MAP4K4: variants seen among roughly 807,000 people sequenced by gnomAD.
MAP4K4 encodes HPK/GCK-like kinase HGK.
Under a neutral mutation model 189.6 loss-of-function variants are expected in MAP4K4, and 38 were observed. The ratio of observed to expected loss-of-function variants is 0.20; its 90% CI spans 0.15 to 0.26. The LOEUF (loss-of-function observed/expected upper bound fraction) is 0.26, where lower values mean the gene tolerates loss of function less well. MAP4K4 is among the 10% of genes least tolerant of loss of function. The pLI is 1.00. For missense variants in MAP4K4, 1,054 were observed against 1,726.9 expected (o/e 0.61, Z 6.91); for synonymous variants, 610 against 624.3 (o/e 0.98, Z 0.34).
At chr2:101,717,912 A>G (rs528166043) in intron 2 of MAP4K4, among the ~76,000 whole-genome samples, 9 of 152,252 alleles carry the variant, frequency 5.9e-5, no homozygotes, top group African/African-American at 1.2e-4. Flanking sequence ...ATATAGTTGA[A>G]TTAGTAAAGA....
chr2:101,841,666 A>G (rs951305877), intron 10 of MAP4K4, among the ~76,000 whole-genome samples: 7 of 151,890 alleles, frequency 4.6e-5, no homozygotes, highest in Admixed American at 2.0e-4. Flanking sequence ...ACAGGCTTTC[A>G]CCATGTTGGT....
chr2:101,869,562 C>T lies in MAP4K4; in HGVS notation c.2464-60C>T, dbSNP rs115561277. The T allele has an allele frequency of 2.2e-6, 3 of 1,350,898 alleles. No homozygotes were observed. In the Admixed American group the frequency reaches 5.9e-5, roughly 27 times the overall value. 83.7% of individuals were successfully genotyped at this position (1,350,898 alleles called of 1,614,324 possible). On this transcript the variant is annotated intron_variant, in intron 21 of 32. Transcript: ENST00000324219. ...GGCAATTTATGGTTAAAGAACTTCT[C>T]ATCTTCTCCTGTCCCTGCTCCTGCT...
chr2:101,737,171 ATCAG>A (rs1319012843), intron 2 of MAP4K4, among the ~76,000 whole-genome samples: 1 of 151,940 alleles, frequency 6.6e-6, no homozygotes, highest in Non-Finnish European at 1.5e-5. Context: ...GCTTTTTAAA[ATCAG>A]TCAGGTGTGT....
chr2:101,711,268 TC>T (rs1471870691), intron 2 of MAP4K4, among the ~76,000 whole-genome samples: 3 of 152,140 alleles, frequency 2.0e-5, no homozygotes, highest in African/African-American at 7.2e-5. Flanking sequence ...TTTCTGTAGT[TC>T]CGGTTATATA....
intron 2 of MAP4K4, among the ~76,000 whole-genome samples, chr2:101,708,805 A>G (rs2043831806): frequency 6.6e-6 from 1 of 152,152 alleles, no homozygotes; most frequent in Admixed American, 6.5e-5. Flanking sequence ...GGCAACCAAT[A>G]ATCTGCCAGT....
chr2:101,743,030 C>G (rs1471324100), intron 2 of MAP4K4, among the ~76,000 whole-genome samples: 1 of 152,088 alleles, frequency 6.6e-6, no homozygotes, highest in Non-Finnish European at 1.5e-5. Flanking sequence ...TGTTTATATT[C>G]AGTTCTAACT....
At chr2:101,874,234 C>A (rs577039991) in exon 26 of MAP4K4, 2 of 1,610,124 alleles carry the variant, frequency 1.2e-6, no homozygotes, top group Non-Finnish European at 1.7e-6. Flanking sequence ...CTCTGAGATT[C>A]TGTGTGCTGC....
chr2:101,861,934 TAA>T (rs375489497), intron 16 of MAP4K4: 299 of 134,844 alleles, frequency 2.2e-3, no homozygotes, highest in Admixed American at 1.8e-3. Context: ...ATGGAGGAGT[TAA>T]AAAAAAAAAA....
chr2:101,857,063 C>G (rs977790366), intron 13 of MAP4K4, among the ~76,000 whole-genome samples: 14 of 152,206 alleles, frequency 9.2e-5, no homozygotes, highest in African/African-American at 2.9e-4. Flanking sequence ...TAACATTCCA[C>G]TTATGTTTAT....
intron 2 of MAP4K4, among the ~76,000 whole-genome samples, chr2:101,770,229 T>C (rs1054397961): frequency 6.6e-6 from 1 of 151,304 alleles, no homozygotes; most frequent in African/African-American, 2.4e-5. Flanking sequence ...GTTACACTTT[T>C]GTTCATTCTG....
intron 3 of MAP4K4, among the ~76,000 whole-genome samples, chr2:101,794,657 A>G (rs2093465521): frequency 6.6e-6 from 1 of 152,120 alleles, no homozygotes; most frequent in Admixed American, 6.6e-5. Flanking sequence ...AATTTTACCT[A>G]ATGTTCAGCC....
At chr2:101,718,582 G>A (rs1170622702) in intron 2 of MAP4K4, among the ~76,000 whole-genome samples, 2 of 123,608 alleles carry the variant, frequency 1.6e-5, no homozygotes, top group African/African-American at 5.9e-5. Flanking sequence ...GGGGGGTGGG[G>A]GGGAGTGGAA....
At chr2:101,843,535 G>T (rs2096985424) in intron 11 of MAP4K4, among the ~76,000 whole-genome samples, 1 of 152,308 alleles carries the variant, frequency 6.6e-6, no homozygotes, top group East Asian at 1.9e-4. Context: ...TTGCCATGCT[G>T]CTCTGGATGC....
At chr2:101,761,553 T>C (rs1467613835) in intron 2 of MAP4K4, among the ~76,000 whole-genome samples, 1 of 148,476 alleles carries the variant, frequency 6.7e-6, no homozygotes, top group Admixed American at 6.6e-5. Flanking sequence ...GAGCATTCTT[T>C]TTTTTTTTTT....
At chr2:101,743,537 C>T (rs1182092664) in intron 2 of MAP4K4, among the ~76,000 whole-genome samples, 1 of 152,164 alleles carries the variant, frequency 6.6e-6, no homozygotes, top group Admixed American at 6.5e-5. Context: ...ACTTGCCTTT[C>T]ACTGACAGGA....
chr2:101,778,204 G>C (rs1273481641), intron 2 of MAP4K4, among the ~76,000 whole-genome samples: 1 of 152,158 alleles, frequency 6.6e-6, no homozygotes, highest in East Asian at 1.9e-4. Context: ...GGAAGAAGCT[G>C]TACTGGCATT....
intron 2 of MAP4K4, among the ~76,000 whole-genome samples, chr2:101,718,571 G>A (rs1448162450): frequency 7.2e-5 from 9 of 124,254 alleles, no homozygotes; most frequent in Non-Finnish European, 1.2e-4. Flanking sequence ...AGGTGGGGGT[G>A]GGGGGGTGGG....
exon 33 of MAP4K4, chr2:101,893,466 C>T: frequency 2.9e-6 from 1 of 340,116 alleles, no homozygotes; most frequent in Admixed American, 4.1e-5. Context: ...AATTAAATTC[C>T]TGCTTGTAAT....
chr2:101,858,803 A>C (rs2097552270), intron 13 of MAP4K4, among the ~76,000 whole-genome samples, 193 bp from the exon 14 acceptor site: 1 of 152,230 alleles, frequency 6.6e-6, no homozygotes, highest in Non-Finnish European at 1.5e-5. Flanking sequence ...ATCATTTGTT[A>C]GACTCCTTAG....
Sources: gnomAD v4.1 joint callset for allele counts (sites outside exome capture counted in the v4.1 genomes callset) on GRCh38, gnomAD v4.1.1 for gene constraint, MANE v1.5 for transcripts, NCBI Gene and HGNC (gene_info 2026-07-23, HGNC 2026-07-21) for gene names.